Variants in MPRIP observed in about 807,000 individuals in gnomAD.
MPRIP encodes myosin phosphatase Rho-interacting protein.
Under a neutral mutation model 234.9 loss-of-function variants are expected in MPRIP, and 59 were observed. That is an observed-to-expected ratio of 0.25 (90% CI 0.20 to 0.31). The LOEUF is 0.31. MPRIP is among the 10% of genes least tolerant of loss of function. The probability of loss-of-function intolerance (pLI) is 1.00; values close to 1 mark genes in which losing one functional copy is unlikely to be tolerated. For missense variants in MPRIP, 2,436 were observed against 3,071.0 expected, an observed-to-expected ratio of 0.79 and a Z score of 4.89; for synonymous variants, 1,144 against 1,263.9, an observed-to-expected ratio of 0.91 and a Z score of 2.01.
At chr17:17,142,982 A>C (rs2045363713) in intron 8 of MPRIP, among the ~76,000 whole-genome samples, 1 of 152,142 alleles carries the variant, frequency 6.6e-6, no homozygotes, top group African/African-American at 2.4e-5. Flanking sequence ...ATTCTCATGC[A>C]TTTTAGATCC....
chr17:17,121,481 T>C (rs144052160), intron 3 of MPRIP, among the ~76,000 whole-genome samples: 2 of 108,488 alleles, frequency 1.8e-5, no homozygotes, highest in East Asian at 4.6e-4. Flanking sequence ...GTGTTCGGAA[T>C]GTTCAGTGAG....
chr17:17,102,216 G>C (rs1597806092), intron 3 of MPRIP, among the ~76,000 whole-genome samples: 1 of 152,080 alleles, frequency 6.6e-6, no homozygotes, highest in South Asian at 2.1e-4. Flanking sequence ...GGCCACTCCT[G>C]TCTGCGTTAC....
chr17:17,113,750 C>T (rs1185544653), intron 3 of MPRIP, among the ~76,000 whole-genome samples: 2 of 152,194 alleles, frequency 1.3e-5, no homozygotes, highest in Non-Finnish European at 2.9e-5. Flanking sequence ...AGAGTGGCTG[C>T]ACCACGGTTC....
chr17:17,053,640 C>T (rs965877686), intron 1 of MPRIP, among the ~76,000 whole-genome samples: 2 of 152,198 alleles, frequency 1.3e-5, no homozygotes, highest in African/African-American at 2.4e-5. Context: ...AGGTCCCCAT[C>T]CCTCTTAGGT....
chr17:17,113,598 A>G (rs2090216684), intron 3 of MPRIP, among the ~76,000 whole-genome samples: 1 of 152,250 alleles, frequency 6.6e-6, no homozygotes, highest in South Asian at 2.1e-4. Context: ...TAATGCTGCC[A>G]TGGTACGTGG....
chr17:17,059,532 G>A (rs1342911022), intron 1 of MPRIP, among the ~76,000 whole-genome samples: 2 of 152,204 alleles, frequency 1.3e-5, no homozygotes, highest in African/African-American at 4.8e-5. Context: ...CTGTGGCTGT[G>A]TCAGCTTCCC....
intron 1 of MPRIP, among the ~76,000 whole-genome samples, chr17:17,044,926 A>T (rs986862767): frequency 2.0e-5 from 3 of 152,186 alleles, no homozygotes; most frequent in African/African-American, 4.8e-5. Flanking sequence ...AGGTTAGCCC[A>T]GCATTCTACC....
chr17:17,056,485 T>C (rs2088701027), intron 1 of MPRIP, among the ~76,000 whole-genome samples: 1 of 151,868 alleles, frequency 6.6e-6, no homozygotes, highest in African/African-American at 2.4e-5. Context: ...GCAGGACCTG[T>C]GTGTGGGCAG....
At position 17,177,270 on chromosome 17, in the gene MPRIP, C is replaced by A; in HGVS notation, c.6978C>A (p.Asp2326Glu). 1 of 1,611,718 alleles carries A rather than the reference C, an allele frequency of 6.2e-7. No homozygotes were observed. ...TALRDKKYAS[D>E]KYKDIYTELS... ...CCAAGGACAAGAAGTACGCAAGTGA[C>A]AAGTACAAAGACATCTACACAGAGC... The change falls in exon 22 of 24, where the codon GAC becomes GAA. Residue 2326 changes from aspartate (D) to glutamate (E), a missense_variant. This residue lies in a region of MPRIP where 1,998 missense variants were observed against 2,520.3 expected (regional missense o/e 0.79). Coordinates refer to ENST00000651222, the MANE Select transcript of MPRIP (RefSeq NM_001364716.4).
chr17:17,051,868 C>T (rs1248426479), intron 1 of MPRIP, among the ~76,000 whole-genome samples: 1 of 152,276 alleles, frequency 6.6e-6, no homozygotes, highest in Non-Finnish European at 1.5e-5. Flanking sequence ...TGTAACCCTT[C>T]TGGCTCCTTC....
At chr17:17,154,564 T>C in intron 13 of MPRIP, 149 bp downstream of exon 13, 1 of 657,104 alleles carries the variant, frequency 1.5e-6, no homozygotes, top group South Asian at 1.8e-5. Context: ...CTTCTGTTGC[T>C]CAGGTTCCTG....
At chr17:17,120,995 G>T (rs1363393462) in intron 3 of MPRIP, among the ~76,000 whole-genome samples, 1 of 152,186 alleles carries the variant, frequency 6.6e-6, no homozygotes, top group African/African-American at 2.4e-5. Flanking sequence ...GGTTGAGTCT[G>T]TTCAGTCTGG....
rs1266722609 is a variant in MPRIP at position 17,166,284 on chromosome 17, C to G, written c.4693C>G (p.Leu1565Val). The G allele has an allele frequency of 2.3e-6, 3 of 1,304,226 alleles. No homozygotes were observed. The highest frequency in any genetic ancestry group is 3.0e-6 in the Non-Finnish European group (3 of 988,988). The allele number at this position is 1,304,226 out of a possible 1,614,324, so 80.8% of individuals were successfully genotyped here. A position where few individuals can be genotyped will look rare whatever the true frequency, so the allele number is the denominator to read the frequency against. The change falls in exon 16 of 24, where the codon CTT (leucine) becomes GTT (valine). Residue 1565 changes from leucine (L) to valine (V), a missense_variant. By Grantham distance (32) the Leu-to-Val change is conservative. Around this residue, in one of 4 missense-constraint regions of MPRIP, gnomAD observed 1,998 missense variants for 2,520.3 expected, o/e 0.79. Transcript: ENST00000651222. This position sits in a 1 kb window ranked among gnomAD's most constrained non-coding sequence, Gnocchi z 4.4. ...ELTEQEQVRL[L>V]SDQIALEASL... ...GACAGAGCAGGAGCAGGTGAGGCTT[C>G]TTTCTGACCAGATTGCTCTGGAGGC...
At chr17:17,066,047 A>G (rs2089014905) in intron 1 of MPRIP, among the ~76,000 whole-genome samples, 1 of 152,060 alleles carries the variant, frequency 6.6e-6, no homozygotes, top group Non-Finnish European at 1.5e-5. Flanking sequence ...TTTTTTGTAG[A>G]TTCTGGGATT....
rs2046534245 is a variant in MPRIP at position 17,189,132 on chromosome 17, T to C, written c.*4238T>C. On this transcript the variant is annotated 3_prime_UTR_variant, in exon 24 of 24. Transcript: ENST00000651222. Reference sequence around the variant, plus strand: ...CATGGTCCTAAAGAAGCTTGGAATTTATAAGACTTTCCTTTATAAGATATA... The same window carrying C: ...CATGGTCCTAAAGAAGCTTGGAATTCATAAGACTTTCCTTTATAAGATATA... The C allele has an allele frequency of 6.6e-6, 1 of 151,936 alleles. No individual in the cohort carries two copies. The highest frequency in any genetic ancestry group is 6.6e-5 in the Admixed American group (1 of 15,252). 9.4% of individuals were successfully genotyped at this position (151,936 alleles called of 1,614,324 possible). A position where few individuals can be genotyped will look rare whatever the true frequency, so the allele number is the denominator to read the frequency against.
Position 17,043,067 on chromosome 17 carries a change from G to C in MPRIP, c.123+96G>C, listed in dbSNP as rs2088229624. 4 of 1,221,400 alleles carry C rather than the reference G, an allele frequency of 3.3e-6. No individual in the cohort carries two copies. The Admixed American group carries it at 8.5e-5, about 26-fold the overall frequency. The allele number at this position is 1,221,400 out of a possible 1,614,324, so 75.7% of individuals were successfully genotyped here. ...GGGCTGCAGGGAAAATAAAAATGGA[G>C]CAGGGAAATGCGCGAGTCCTGGGGC... is the stretch of plus-strand genomic sequence containing the variant. On this transcript the variant is annotated intron_variant, in intron 1 of 23. Coordinates refer to ENST00000651222, the MANE Select transcript of MPRIP (RefSeq NM_001364716.4).
At position 17,185,186 on chromosome 17, in the gene MPRIP, G is replaced by C. The variant is rs185756670; in HGVS notation, c.*292G>C. On this transcript the variant is annotated 3_prime_UTR_variant, in exon 24 of 24. Transcript: ENST00000651222. ...GTTAGTCCTTTCCTGGCTGTGACCC[G>C]CCACACTCACTGTCAGTATTAAGGC... is the stretch of plus-strand genomic sequence containing the variant. 1 of 343,400 alleles carries C rather than the reference G, an allele frequency of 2.9e-6. No individual in the cohort carries two copies. The highest frequency in any genetic ancestry group is 7.0e-5 in the East Asian group (1 of 14,296). 21.3% of individuals were successfully genotyped at this position (343,400 alleles called of 1,614,324 possible).
rs1166928441 is a variant in MPRIP at position 17,164,720 on chromosome 17, G to A, written c.3129G>A (p.Val1043=). 5.4e-6 allele frequency: 7 copies of A among 1,293,562 alleles called. No homozygotes were observed. The highest frequency in any genetic ancestry group is 7.1e-6 in the Non-Finnish European group (7 of 985,168). 80.1% of individuals were successfully genotyped at this position (1,293,562 alleles called of 1,614,324 possible). The change falls in exon 16 of 24, where the codon GTG becomes GTA. Residue 1043 remains valine (V), a synonymous_variant. Transcript: ENST00000651222. ...CATTGCTGCAGAACCTAAAGGAAGT[G>A]GAAGACAAGGCCAGCGCCTATGAGG... ...KQALLQNLKE[V]EDKASAYEDQ... is the part of the protein sequence containing the mutation.
At chr17:17,117,753 ACTGT>A (rs2090314456) in intron 3 of MPRIP, among the ~76,000 whole-genome samples, 2 of 152,202 alleles carry the variant, frequency 1.3e-5, no homozygotes, top group Admixed American at 6.5e-5. Context: ...TCATATGGAA[ACTGT>A]CTGTAATTTT....
Sources: allele counts gnomAD v4.1 joint callset (sites outside exome capture counted in the v4.1 genomes callset), GRCh38; gene constraint gnomAD v4.1.1; regional missense constraint gnomAD v4.1.1; non-coding constraint Gnocchi (gnomAD v3.1); transcripts MANE v1.5; gene names NCBI Gene and HGNC (gene_info 2026-07-23, HGNC 2026-07-21).